The following ARHGEF10L variants were observed in gnomAD, a reference collection of about 807,000 sequenced individuals.
ARHGEF10L encodes rho guanine nucleotide exchange factor 10-like protein.
Under a neutral mutation model 141.2 loss-of-function variants are expected in ARHGEF10L, and 69 were observed. The ratio of observed to expected loss-of-function variants is 0.49; its 90% CI spans 0.40 to 0.60. The LOEUF (loss-of-function observed/expected upper bound fraction) is 0.60. Ranked by LOEUF, ARHGEF10L falls within the 20% of genes least tolerant of loss-of-function variation. The pLI is 0.00. For missense variants in ARHGEF10L, 1,482 were observed against 1,734.3 expected, an observed-to-expected ratio of 0.85 and a Z score of 2.58; for synonymous variants, 711 against 718.5, an observed-to-expected ratio of 0.99 and a Z score of 0.17.
chr1:17,561,277 G>A (rs573878377), intron 1 of ARHGEF10L, among the ~76,000 whole-genome samples: 31 of 152,204 alleles, frequency 2.0e-4, no homozygotes, highest in East Asian at 5.8e-4. Flanking sequence ...CCTCCCCCCC[G>A]CCCCGTCATG....
chr1:17,566,777 G>C (rs998116675), intron 1 of ARHGEF10L, among the ~76,000 whole-genome samples: 12 of 152,176 alleles, frequency 7.9e-5, no homozygotes, highest in Non-Finnish European at 2.9e-5. Context: ...CAGCACCTAT[G>C]ACCAGGGGAC....
intron 9 of ARHGEF10L, among the ~76,000 whole-genome samples, chr1:17,617,284 A>T (rs2059861453): frequency 6.6e-6 from 1 of 152,218 alleles, no homozygotes; most frequent in Non-Finnish European, 1.5e-5. Context: ...TTAAGCATCT[A>T]CTATGTGCTA....
At chr1:17,536,799 T>A (rs2076582202), upstream of ARHGEF10L, among the ~76,000 whole-genome samples, 1 of 151,890 alleles carries the variant, frequency 6.6e-6, no homozygotes, top group Non-Finnish European at 1.5e-5. Flanking sequence ...CCCTGCAGAG[T>A]GTGGCCCTGG....
At chr1:17,634,314 C>T (rs1383396857) in intron 16 of ARHGEF10L, 3 of 680,764 alleles carry the variant, frequency 4.4e-6, no homozygotes, top group Non-Finnish European at 7.8e-6. Flanking sequence ...GGATCAGTGT[C>T]CTTGTCTGGG....
chr1:17,571,977 C>T (rs1022406800), intron 1 of ARHGEF10L, among the ~76,000 whole-genome samples: 2 of 152,256 alleles, frequency 1.3e-5, no homozygotes, highest in Admixed American at 1.3e-4. Flanking sequence ...CTGGCATCAG[C>T]TCAGAGGCCA....
At chr1:17,688,222 T>C (rs2064781043) in intron 27 of ARHGEF10L, among the ~76,000 whole-genome samples, 1 of 152,226 alleles carries the variant, frequency 6.6e-6, no homozygotes, top group African/African-American at 2.4e-5. Context: ...CCTTCTAGTC[T>C]GTGGGTTTGG....
At chr1:17,610,589 C>A (rs1018860391) in intron 7 of ARHGEF10L, among the ~76,000 whole-genome samples, 11 of 152,214 alleles carry the variant, frequency 7.2e-5, no homozygotes, top group African/African-American at 2.4e-4. Flanking sequence ...TGGTGCTTCA[C>A]CCTCCTGAGC....
At chr1:17,695,704 T>C (rs1354456393) in intron 28 of ARHGEF10L, among the ~76,000 whole-genome samples, 1 of 152,220 alleles carries the variant, frequency 6.6e-6, no homozygotes. Flanking sequence ...GAAGGTCTGC[T>C]CTGATCTGCA....
intron 21 of ARHGEF10L, among the ~76,000 whole-genome samples, chr1:17,642,816 C>A (rs888908432): frequency 1.3e-5 from 2 of 152,194 alleles, no homozygotes; most frequent in Non-Finnish European, 2.9e-5. Flanking sequence ...GCCATGCGCT[C>A]CCCTCCCCAC....
chr1:17,593,101 T>G (rs749157409), intron 4 of ARHGEF10L, among the ~76,000 whole-genome samples: 26 of 152,128 alleles, frequency 1.7e-4, no homozygotes, highest in Non-Finnish European at 3.5e-4. Context: ...AGAAGGCACT[T>G]GCAGGGTACC....
At chr1:17,653,853 G>T (rs2062075473) in intron 22 of ARHGEF10L, among the ~76,000 whole-genome samples, 1 of 152,260 alleles carries the variant, frequency 6.6e-6, no homozygotes, top group South Asian at 2.1e-4. Context: ...GGCTGGATGA[G>T]GTGACCTCTT....
At chr1:17,684,638 T>G (rs1388945208) in intron 26 of ARHGEF10L, among the ~76,000 whole-genome samples, 1 of 152,166 alleles carries the variant, frequency 6.6e-6, no homozygotes, top group African/African-American at 2.4e-5. Context: ...TGATACAAGA[T>G]TCTGTCCTTG....
chr1:17,641,566 C>T (rs1571188490), intron 21 of ARHGEF10L, among the ~76,000 whole-genome samples: 2 of 151,970 alleles, frequency 1.3e-5, no homozygotes, highest in East Asian at 1.9e-4. Flanking sequence ...GAGTTTGCGG[C>T]GAGCCAAGAT....
intron 3 of ARHGEF10L, 75 bp from the exon 4 acceptor site, chr1:17,588,371 A>C: frequency 6.4e-7 from 1 of 1,553,074 alleles, no homozygotes. Context: ...GAGGCTGGGA[A>C]AGGGGCGGGG....
intron 4 of ARHGEF10L, among the ~76,000 whole-genome samples, chr1:17,592,792 C>T (rs555356476): frequency 1.3e-5 from 2 of 152,040 alleles, no homozygotes; most frequent in South Asian, 4.2e-4. Flanking sequence ...AAATCCGGAA[C>T]ATTTGAGCCT....
In ARHGEF10L at chr1:17,627,579, G is replaced by A. The variant is rs758875101; in HGVS notation, c.1584+76G>A. The A allele has an allele frequency of 1.2e-5, 18 of 1,523,192 alleles. No homozygotes were observed. Among genetic ancestry groups the A allele is most frequent in the Non-Finnish European group, 1.6e-5 (18 of 1,127,786 alleles). 94.4% of individuals were successfully genotyped at this position (1,523,192 alleles called of 1,614,324 possible). On this transcript the variant is annotated intron_variant, in intron 15 of 28. Coordinates refer to ENST00000361221, the MANE Select transcript of ARHGEF10L (RefSeq NM_018125.4). This position sits in a 1 kb window ranked among gnomAD's most constrained non-coding sequence, Gnocchi z 4.0. ...GCTCCTGCCCGTGCCCCTGCCCCAC[G>A]CCACCCACACTAGGTGGCAGTGTTC...
intron 25 of ARHGEF10L, among the ~76,000 whole-genome samples, chr1:17,658,756 A>G (rs1204550119): frequency 6.6e-6 from 1 of 151,952 alleles, no homozygotes. Context: ...AAGACTGTAC[A>G]TGATGCCGAG....
intron 2 of ARHGEF10L, among the ~76,000 whole-genome samples, chr1:17,585,123 AC>A (rs1317459736): frequency 6.6e-6 from 1 of 152,212 alleles, no homozygotes; most frequent in Non-Finnish European, 1.5e-5. Context: ...AACACCAAAT[AC>A]AATGCTGATT....
intron 21 of ARHGEF10L, among the ~76,000 whole-genome samples, chr1:17,643,879 C>T (rs2061451271): frequency 6.6e-6 from 1 of 152,170 alleles, no homozygotes; most frequent in Non-Finnish European, 1.5e-5. Context: ...GGATATCTTC[C>T]TACCTCTTTC....
Sources: allele counts gnomAD v4.1 joint callset (sites outside exome capture counted in the v4.1 genomes callset), GRCh38; gene constraint gnomAD v4.1.1; non-coding constraint Gnocchi (gnomAD v3.1); transcripts MANE v1.5; gene names NCBI Gene and HGNC (gene_info 2026-07-23, HGNC 2026-07-21).